PHF11: variants seen among roughly 807,000 people sequenced by gnomAD.
PHF11 encodes the protein BRCA1 C-terminus-associated protein.
Under a neutral mutation model 40.5 loss-of-function variants are expected in PHF11, and 38 were observed. The ratio of observed to expected loss-of-function variants is 0.94; its 90% confidence interval spans 0.72 to 1.23. The LOEUF is 1.23. Ranked by LOEUF, PHF11 falls within the 50% of genes most tolerant of loss-of-function variation. The pLI, the probability that PHF11 is intolerant of heterozygous loss-of-function variation, is 0.00. For synonymous variants in PHF11, 127 were observed against 138.2 expected, an observed-to-expected ratio of 0.92 and a Z score of 0.57; for missense variants, 369 against 392.4, an observed-to-expected ratio of 0.94 and a Z score of 0.50.
intron 6 of PHF11, 109 bp from the exon 7 acceptor site, chr13:49,523,066 G>A: frequency 3.7e-6 from 3 of 813,302 alleles, no homozygotes; most frequent in South Asian, 1.4e-5. Context: ...CCCAGCCAGG[G>A]CATGATTTTT....
intron 2 of PHF11, 78 bp downstream of exon 2, chr13:49,506,834 T>C: frequency 4.2e-6 from 4 of 951,866 alleles, no homozygotes; most frequent in Admixed American, 2.9e-5. Flanking sequence ...AAACAACACT[T>C]TGGACACAAA....
At chr13:49,506,534 A>T in intron 1 of PHF11, 101 bp from the exon 2 acceptor site, 1 of 1,022,024 alleles carries the variant, frequency 9.8e-7, no homozygotes, top group Non-Finnish European at 1.5e-6. Flanking sequence ...AGACTCTCTC[A>T]TAAAAACAAG....
intron 5 of PHF11, chr13:49,521,471 C>T (rs1373257125): frequency 3.4e-5 from 34 of 985,972 alleles, no homozygotes; most frequent in Admixed American, 6.1e-5. Context: ...TGGAAGACTT[C>T]GTTCTGCGTC....
intron 1 of PHF11, chr13:49,496,314 G>A: frequency 2.2e-6 from 2 of 892,428 alleles, no homozygotes; most frequent in South Asian, 5.7e-5. Context: ...GCCCAGGCCA[G>A]TTCCACAGGT....
intron 3 of PHF11, 150 bp downstream of exon 3, chr13:49,513,316 A>T: frequency 4.0e-6 from 2 of 497,654 alleles, no homozygotes; most frequent in Non-Finnish European, 3.5e-6. Flanking sequence ...CCTCAATTCA[A>T]CTTAACATTT....
intron 7 of PHF11, chr13:49,523,567 T>C (rs891996890): frequency 3.0e-5 from 10 of 332,668 alleles, no homozygotes; most frequent in Non-Finnish European, 4.9e-5. Flanking sequence ...TCTCTGTTCT[T>C]TAAAGAAATA....
At chr13:49,512,624 G>A (rs182298617) in intron 2 of PHF11, among the ~76,000 whole-genome samples, 66 of 152,318 alleles carry the variant, frequency 4.3e-4, no homozygotes, top group Admixed American at 1.8e-3. Context: ...GTTTCCTAAA[G>A]GCAGGCATGC....
chr13:49,501,005 T>TTG (rs1958894640), intron 1 of PHF11, among the ~76,000 whole-genome samples: 18 of 122,118 alleles, frequency 1.5e-4, no homozygotes, highest in Middle Eastern at 3.8e-3. Context: ...CTTTTGTTTT[T>TTG]TTTTTTTTTT....
At chr13:49,501,007 T>TTTTTG (rs1958895494) in intron 1 of PHF11, among the ~76,000 whole-genome samples, 1 of 122,490 alleles carries the variant, frequency 8.2e-6, no homozygotes, top group African/African-American at 3.9e-5. Context: ...TTTGTTTTTT[T>TTTTTG]TTTTTTTTGG....
At chr13:49,498,989 C>T (rs1958863184) in intron 1 of PHF11, among the ~76,000 whole-genome samples, 1 of 152,214 alleles carries the variant, frequency 6.6e-6, no homozygotes, top group Admixed American at 6.5e-5. Flanking sequence ...AAACCAGACT[C>T]ACAGACCCCC....
chr13:49,509,933 A>G (rs756194604), intron 2 of PHF11, among the ~76,000 whole-genome samples: 7 of 152,188 alleles, frequency 4.6e-5, no homozygotes, highest in South Asian at 2.1e-4. Flanking sequence ...AACAATATAA[A>G]CGTCAAAATC....
At chr13:49,504,880 T>C (rs1043705482) in intron 1 of PHF11, among the ~76,000 whole-genome samples, 16 of 150,450 alleles carry the variant, frequency 1.1e-4, no homozygotes, top group South Asian at 6.3e-4. Context: ...AGAAAAATTC[T>C]TCTGCCTTGG....
chr13:49,510,432 A>G (rs1426696883), intron 2 of PHF11, among the ~76,000 whole-genome samples: 1 of 151,966 alleles, frequency 6.6e-6, no homozygotes, highest in African/African-American at 2.4e-5. Context: ...TTACTTATAT[A>G]TTTTTTCTGC....
chr13:49,522,767 G>GTT (rs1184862570), intron 6 of PHF11, among the ~76,000 whole-genome samples: 5 of 41,978 alleles, frequency 1.2e-4, no homozygotes, highest in Non-Finnish European at 2.5e-4. Context: ...GGGTTTTTTT[G>GTT]TTTTTTTTTT....
intron 8 of PHF11, chr13:49,525,852 G>A (rs2139080188): frequency 4.4e-6 from 2 of 451,038 alleles, no homozygotes; most frequent in Admixed American, 2.4e-5. Flanking sequence ...CTATCCCACA[G>A]AGATTCTGAT....
At position 49,496,054 on chromosome 13, in the gene PHF11, C is replaced by T. The variant is rs947012356; in HGVS notation, c.53C>T (p.Pro18Leu). 1.3e-5 allele frequency: 19 copies of T among 1,437,510 alleles called. No individual in the cohort carries two copies. The highest frequency in any genetic ancestry group is 1.5e-5 in the African/African-American group (1 of 66,300). 89.0% of individuals were successfully genotyped at this position (1,437,510 alleles called of 1,614,324 possible). The change falls in exon 1 of 10, where the codon CCG becomes CTG. Residue 18 changes from proline to leucine, a missense_variant. Coordinates refer to ENST00000378319, the MANE Select transcript of PHF11 (RefSeq NM_001040443.3). ...GAGAGGGTGCTCGGCGCCAGCAGCC[C>T]GGAGGCCCGGCCCGCGCAGGAGGCG... is the stretch of plus-strand genomic sequence containing the variant. ...RPERVLGASS[P>L]EARPAQEALL...
chr13:49,528,635 T>G lies in PHF11; in HGVS notation c.966T>G (p.Ser322Arg). The G allele has an allele frequency of 6.2e-7, 1 of 1,609,462 alleles. No homozygotes were observed. The highest frequency in any genetic ancestry group is 1.1e-5 in the South Asian group (1 of 90,392). ...AAGAAAATAGAGATCTTATGTCAAGTTCTACATCAATATCATCCCTGTCTT... is the reference window on the plus strand; with the variant it reads ...AAGAAAATAGAGATCTTATGTCAAGGTCTACATCAATATCATCCCTGTCTT... ...SFQENRDLMS[S>R]STSISSLSY Residue 322 changes from serine to arginine, a missense_variant, in exon 10 of 10, where the codon AGT (serine) becomes AGG (arginine). By Grantham distance (110) the Ser-to-Arg change is moderately radical. Coordinates refer to ENST00000378319, the MANE Select transcript of PHF11 (RefSeq NM_001040443.3).
intron 9 of PHF11, among the ~76,000 whole-genome samples, chr13:49,527,506 C>G (rs1959357051): frequency 6.6e-6 from 1 of 152,198 alleles, no homozygotes; most frequent in Non-Finnish European, 1.5e-5. Flanking sequence ...CTATATTATA[C>G]ATTTCTATTT....
chr13:49,499,570 G>A (rs1314744857), intron 1 of PHF11, among the ~76,000 whole-genome samples: 2 of 152,130 alleles, frequency 1.3e-5, no homozygotes, highest in Non-Finnish European at 2.9e-5. Flanking sequence ...ACTTCATCCT[G>A]AGATAATGTG....
Sources: gnomAD v4.1 joint callset for allele counts (sites outside exome capture counted in the v4.1 genomes callset) on GRCh38, gnomAD v4.1.1 for gene constraint, MANE v1.5 for transcripts, NCBI Gene and HGNC (gene_info 2026-07-23, HGNC 2026-07-21) for gene names.